The following SLC2A13 variants were observed in gnomAD, a reference collection of about 807,000 sequenced individuals.
SLC2A13 encodes the protein proton myo-inositol cotransporter.
SLC2A13 carries 32 observed loss-of-function variants against 64.4 expected under a neutral mutation model. The ratio of observed to expected loss-of-function variants is 0.50; its 90% CI spans 0.37 to 0.67. The LOEUF is 0.67. Ranked by LOEUF, SLC2A13 falls within the 30% of genes least tolerant of loss-of-function variation. The pLI, the probability that SLC2A13 is intolerant of heterozygous loss-of-function variation, is 0.00. For missense variants in SLC2A13, 743 were observed against 829.2 expected (o/e 0.90, Z 1.28); for synonymous variants, 338 against 327.1 (o/e 1.03, Z -0.36).
chr12:39,842,803 C>T (rs968853795), intron 6 of SLC2A13, among the ~76,000 whole-genome samples: 2 of 151,946 alleles, frequency 1.3e-5, no homozygotes, highest in African/African-American at 2.4e-5. Context: ...CTGGCAACCA[C>T]GAATCTACTC....
At chr12:40,061,093 A>G (rs1948413123) in intron 1 of SLC2A13, among the ~76,000 whole-genome samples, 1 of 152,154 alleles carries the variant, frequency 6.6e-6, no homozygotes, top group Admixed American at 6.6e-5. Context: ...ACATGCAAAT[A>G]CAACTTCCAA....
chr12:39,925,595 G>T (rs971652394), intron 4 of SLC2A13, among the ~76,000 whole-genome samples: 5 of 151,960 alleles, frequency 3.3e-5, no homozygotes, highest in Admixed American at 6.6e-5. Context: ...TTTAAGTAAA[G>T]AAATACTTAA....
rs1179297513 is a variant in SLC2A13, at chr12:39,764,797, T to C, written c.1507A>G (p.Thr503Ala). Residue 503 changes from threonine to alanine, a missense_variant, in exon 8 of 10, where the codon ACT (threonine) becomes GCT (alanine). By Grantham distance (58) the Thr-to-Ala change is moderately conservative. Transcript: ENST00000280871. ...DIFWAYNFCP[T>A]PYSWTALLGL... ...AGAAGTGCAGTCCAGGAGTATGGAGTAGGGCAGAAATTGTAAGCCCAAAAT... is the reference window on the plus strand; with the variant it reads ...AGAAGTGCAGTCCAGGAGTATGGAGCAGGGCAGAAATTGTAAGCCCAAAAT... 1 of 1,612,610 alleles carries C rather than the reference T, an allele frequency of 6.2e-7. No homozygotes were observed. Among genetic ancestry groups the C allele is most frequent in the Admixed American group, 1.7e-5 (1 of 59,812 alleles).
intron 3 of SLC2A13, among the ~76,000 whole-genome samples, chr12:39,987,453 T>A (rs936011077): frequency 3.3e-5 from 5 of 152,172 alleles, no homozygotes; most frequent in Admixed American, 1.3e-4. Flanking sequence ...ATGAAATGTG[T>A]CAAAAGCAAA....
chr12:40,010,640 A>T (rs575293767), intron 3 of SLC2A13, among the ~76,000 whole-genome samples: 10 of 152,188 alleles, frequency 6.6e-5, no homozygotes, highest in Non-Finnish European at 1.3e-4. Flanking sequence ...ACACTTTGAG[A>T]GCAGTTTTCT....
At chr12:39,848,559 T>C (rs1943381975) in intron 6 of SLC2A13, among the ~76,000 whole-genome samples, 2 of 152,200 alleles carry the variant, frequency 1.3e-5, no homozygotes, top group Admixed American at 1.3e-4. Context: ...AAGGGAATGC[T>C]AATATACTGT....
intron 7 of SLC2A13, among the ~76,000 whole-genome samples, chr12:39,827,245 G>A (rs539318020): frequency 2.0e-5 from 3 of 152,172 alleles, no homozygotes; most frequent in Admixed American, 6.5e-5. Flanking sequence ...AAGGCAGTGT[G>A]AAATGAGAAC....
At chr12:39,983,988 AC>A (rs1946974787) in intron 3 of SLC2A13, among the ~76,000 whole-genome samples, 1 of 151,342 alleles carries the variant, frequency 6.6e-6, no homozygotes, top group South Asian at 2.1e-4. Context: ...ACCATGGAAT[AC>A]TATGCAGCCA....
At chr12:39,869,794 A>C (rs931380120) in intron 5 of SLC2A13, among the ~76,000 whole-genome samples, 15 of 152,220 alleles carry the variant, frequency 9.9e-5, no homozygotes, top group African/African-American at 3.6e-4. Context: ...CTGCTTTTGC[A>C]CTAAGTTTGT....
chr12:39,913,783 G>A (rs564878257), intron 4 of SLC2A13, among the ~76,000 whole-genome samples: 19 of 151,998 alleles, frequency 1.3e-4, no homozygotes, highest in African/African-American at 3.9e-4. Context: ...ATTAGAAATT[G>A]TAATACATCT....
chr12:39,905,363 G>A (rs1945242819), intron 4 of SLC2A13, among the ~76,000 whole-genome samples: 1 of 152,070 alleles, frequency 6.6e-6, no homozygotes, highest in Non-Finnish European at 1.5e-5. Flanking sequence ...GCTGCACAGT[G>A]CGCTGTGGGC....
chr12:40,025,772 G>T (rs968023415), intron 3 of SLC2A13, among the ~76,000 whole-genome samples: 1 of 152,154 alleles, frequency 6.6e-6, no homozygotes, highest in Non-Finnish European at 1.5e-5. Context: ...AGATTAACAG[G>T]CCATTCCCTA....
At chr12:40,053,281 C>CAAA (rs35810974) in intron 1 of SLC2A13, among the ~76,000 whole-genome samples, 70 of 69,018 alleles carry the variant, frequency 1.0e-3, no homozygotes, top group African/African-American at 2.8e-3. Context: ...GACTCCATCT[C>CAAA]AAAAAAAAAA....
chr12:40,033,852 G>C (rs192015214), intron 2 of SLC2A13, among the ~76,000 whole-genome samples: 1 of 152,282 alleles, frequency 6.6e-6, no homozygotes, highest in African/African-American at 2.4e-5. Context: ...TGATGAATAT[G>C]ATAGATCGAA....
intron 2 of SLC2A13, among the ~76,000 whole-genome samples, chr12:40,043,133 G>A (rs1017514902): frequency 1.3e-5 from 2 of 151,940 alleles, no homozygotes; most frequent in Non-Finnish European, 2.9e-5. Flanking sequence ...TTTCCCTGTA[G>A]GAAATAGACA....
chr12:40,000,051 G>A (rs563755182), intron 3 of SLC2A13, among the ~76,000 whole-genome samples: 39 of 152,210 alleles, frequency 2.6e-4, no homozygotes, highest in African/African-American at 6.3e-4. Flanking sequence ...TGTTTCTCCC[G>A]ATAAATAAGT....
rs375355395 is a variant in SLC2A13, at chr12:40,012,638, G to T, written c.925+15663C>A. Among the ~76,000 whole-genome samples the T allele has an allele frequency of 3.3e-5, 5 of 152,184 alleles. No homozygotes were observed. The South Asian group carries it at 8.3e-4, about 25-fold the overall frequency. On this transcript the variant is annotated intron_variant, in intron 3 of 9. Coordinates refer to ENST00000280871, the MANE Select transcript of SLC2A13 (RefSeq NM_052885.4). Reference sequence around the variant, plus strand: ...TGCTAAAGATCACCAGGACATACATGCTTCTACCTTTTACTGCTCTGCCTT... The same window carrying T: ...TGCTAAAGATCACCAGGACATACATTCTTCTACCTTTTACTGCTCTGCCTT...
In SLC2A13 at chr12:39,758,115, C is replaced by G. The variant is rs1005188614; in HGVS notation, c.*1911G>C. On this transcript the variant is annotated 3_prime_UTR_variant, in exon 10 of 10. Coordinates refer to ENST00000280871, the MANE Select transcript of SLC2A13 (RefSeq NM_052885.4). ...TGCTTTTCTGAGGAAAAAATCAATA[C>G]TAATATTCCCTTGGAAATCAATTGT... The G allele has an allele frequency of 6.6e-6, 1 of 151,450 alleles. No homozygotes were observed. The highest frequency in any genetic ancestry group is 1.5e-5 in the Non-Finnish European group (1 of 67,668). The allele number at this position is 151,450 out of a possible 1,614,324, so 9.4% of individuals were successfully genotyped here. A position where few individuals can be genotyped will look rare whatever the true frequency, so the allele number is the denominator to read the frequency against.
At chr12:39,967,157 T>C (rs1482106040) in intron 3 of SLC2A13, among the ~76,000 whole-genome samples, 1 of 152,178 alleles carries the variant, frequency 6.6e-6, no homozygotes, top group Non-Finnish European at 1.5e-5. Flanking sequence ...TTTTGTCTTT[T>C]AAAAATGCAA....
Sources: allele counts gnomAD v4.1 joint callset (sites outside exome capture counted in the v4.1 genomes callset), GRCh38; gene constraint gnomAD v4.1.1; transcripts MANE v1.5; gene names NCBI Gene and HGNC (gene_info 2026-07-23, HGNC 2026-07-21).